FHIT: variants seen among roughly 807,000 people sequenced by gnomAD.
FHIT encodes bis(5'-adenosyl)-triphosphatase.
In FHIT, 19 loss-of-function variants were observed where a neutral mutation model predicts 17.9. That is an observed-to-expected ratio of 1.06 (90% CI 0.74 to 1.56). The LOEUF is 1.56. FHIT is among the 40% of genes most tolerant of loss of function. The pLI, the probability that FHIT is intolerant of heterozygous loss-of-function variation, is 0.00. For synonymous variants in FHIT, 81 were observed against 69.7 expected (o/e 1.16, Z -0.81); for missense variants, 248 against 189.2 (o/e 1.31, Z -1.82).
rs57146494 is a variant in FHIT at position 60,663,153 on chromosome 3, G to GTGATATATATATATATATATAT, written c.-17-126175_-17-126174insATATATATATATATATATATCA. On this transcript the variant is annotated intron_variant, in intron 4 of 9. Coordinates refer to ENST00000492590, the MANE Select transcript of FHIT (RefSeq NM_002012.4). Reference sequence around the variant, plus strand: ...CTATATAGCCCTAATATTGGGTGGAGATATATATCTCTTTAATGTTGGGTT... The same window carrying GTGATATATATATATATATATAT: ...CTATATAGCCCTAATATTGGGTGGAGTGATATATATATATATATATATATATATATCTCTTTAATGTTGGGTT... Among the ~76,000 whole-genome samples the GTGATATATATATATATATATAT allele has an allele frequency of 4.4e-3, 340 of 78,014 alleles. 78 individuals carry two copies. The highest frequency in any genetic ancestry group is 0.023 in the Middle Eastern group (3 of 132). The allele number at this position is 78,014 out of a possible 152,430, so 51.2% of individuals were successfully genotyped here. A position where few individuals can be genotyped will look rare whatever the true frequency, so the allele number is the denominator to read the frequency against.
intron 7 of FHIT, among the ~76,000 whole-genome samples, chr3:59,997,987 A>T (rs1399248282): frequency 6.6e-6 from 1 of 152,150 alleles, no homozygotes; most frequent in Non-Finnish European, 1.5e-5. Context: ...AACACAGGGT[A>T]TCAAGGGATA....
chr3:61,168,649 G>C (rs2037910649), intron 2 of FHIT, among the ~76,000 whole-genome samples: 1 of 152,160 alleles, frequency 6.6e-6, no homozygotes, highest in African/African-American at 2.4e-5. Context: ...GGCTCAACTT[G>C]GTTTCTGAAG....
intron 5 of FHIT, among the ~76,000 whole-genome samples, chr3:60,096,010 C>G (rs1159340429): frequency 6.6e-6 from 1 of 152,120 alleles, no homozygotes; most frequent in East Asian, 1.9e-4. Context: ...ACATATACAC[C>G]TTGAAGGAGT....
rs75221196 is a variant in FHIT at position 60,226,626 on chromosome 3, G to A, written c.104-212474C>T. Among the ~76,000 whole-genome samples the A allele has an allele frequency of 3.3e-3, 497 of 152,268 alleles. 3 individuals are homozygous for A. The highest frequency in any genetic ancestry group is 0.011 in the African/African-American group (474 of 41,552). ...AATGAAAAACTGGGAACGTGTCCAG[G>A]CTGAAAGGAAGCATGGAGGGAAAAC... On this transcript the variant is annotated intron_variant, in intron 5 of 9. Transcript: ENST00000492590.
chr3:60,732,407 G>C lies in FHIT; in HGVS notation c.-18+89512C>G, dbSNP rs911729662. ...CCTCATCAAATTTCTACCTGTAGATGGACTTGCCACCAGTGCCATATGGCA... is the reference window on the plus strand; with the variant it reads ...CCTCATCAAATTTCTACCTGTAGATCGACTTGCCACCAGTGCCATATGGCA... On this transcript the variant is annotated intron_variant, in intron 4 of 9. Transcript: ENST00000492590. 179 of 759,796 alleles carry C rather than the reference G, an allele frequency of 2.4e-4. 1 individual carries two copies. In the Admixed American group the frequency reaches 3.1e-3, roughly 13 times the overall value. The allele number at this position is 759,796 out of a possible 1,614,324, so 47.1% of individuals were successfully genotyped here.
chr3:60,228,449 T>C (rs998781203), intron 5 of FHIT, among the ~76,000 whole-genome samples: 1 of 152,152 alleles, frequency 6.6e-6, no homozygotes, highest in East Asian at 1.9e-4. Context: ...AATTGCATAC[T>C]GTTAAAAGGT....
chr3:60,302,480 C>G (rs1283728616), intron 5 of FHIT, among the ~76,000 whole-genome samples: 1 of 152,114 alleles, frequency 6.6e-6, no homozygotes, highest in African/African-American at 2.4e-5. Context: ...TTTTCTTCCT[C>G]CACATCTCAC....
intron 5 of FHIT, among the ~76,000 whole-genome samples, chr3:60,116,604 G>A (rs1464222032): frequency 6.6e-6 from 1 of 152,104 alleles, no homozygotes; most frequent in Non-Finnish European, 1.5e-5. Context: ...ATGAATTAAA[G>A]CTCAAGAATG....
At chr3:61,232,473 A>G (rs1157326783) in intron 1 of FHIT, among the ~76,000 whole-genome samples, 1 of 152,226 alleles carries the variant, frequency 6.6e-6, no homozygotes, top group African/African-American at 2.4e-5. Context: ...TATGTGAGTC[A>G]TAATTTCCCA....
At chr3:60,087,597 C>A (rs919754544) in intron 5 of FHIT, among the ~76,000 whole-genome samples, 1 of 152,166 alleles carries the variant, frequency 6.6e-6, no homozygotes, top group African/African-American at 2.4e-5. Flanking sequence ...CATTTTCATC[C>A]ACCAGATACC....
intron 5 of FHIT, among the ~76,000 whole-genome samples, chr3:60,299,920 T>C (rs138112570): frequency 1.6e-4 from 25 of 152,216 alleles, no homozygotes; most frequent in Non-Finnish European, 2.4e-4. Flanking sequence ...AAATTTTCTC[T>C]ATATTGCTAG....
intron 4 of FHIT, among the ~76,000 whole-genome samples, chr3:60,669,436 T>C (rs1166813410): frequency 6.6e-6 from 1 of 152,146 alleles, no homozygotes; most frequent in African/African-American, 2.4e-5. Context: ...CTGTGACAGA[T>C]TTCCCCACCA....
At chr3:60,461,228 A>G (rs957017222) in intron 5 of FHIT, among the ~76,000 whole-genome samples, 8 of 152,076 alleles carry the variant, frequency 5.3e-5, no homozygotes, top group Non-Finnish European at 1.2e-4. Context: ...AGCCTTATTG[A>G]TTTTCCTTTT....
At chr3:60,335,639 A>G (rs1371698822) in intron 5 of FHIT, among the ~76,000 whole-genome samples, 1 of 152,132 alleles carries the variant, frequency 6.6e-6, no homozygotes, top group East Asian at 1.9e-4. Context: ...GCTGTGTTAG[A>G]TATGTCCTGG....
Position 59,789,779 on chromosome 3 carries a change from C to T in FHIT, c.349-37458G>A, listed in dbSNP as rs11715167. ...AACTCATTAATACATCAGTGACATT[C>T]TAGCATCCTTTGAAATTCTGTTAAG... On this transcript the variant is annotated intron_variant, in intron 8 of 9. Coordinates refer to ENST00000492590, the MANE Select transcript of FHIT (RefSeq NM_002012.4). Among the ~76,000 whole-genome samples the T allele has an allele frequency of 4.6e-3, 702 of 152,294 alleles. 5 individuals carry two copies. The highest frequency in any genetic ancestry group is 0.01 in the Middle Eastern group (3 of 294).
intron 4 of FHIT, among the ~76,000 whole-genome samples, chr3:60,705,528 A>G (rs1553703308): frequency 6.6e-6 from 1 of 152,230 alleles, no homozygotes; most frequent in African/African-American, 2.4e-5. Flanking sequence ...AAGCAATTCT[A>G]TTGAATTCGG....
chr3:59,800,599 A>G (rs1000741141), intron 8 of FHIT, among the ~76,000 whole-genome samples: 14 of 152,220 alleles, frequency 9.2e-5, no homozygotes, highest in Admixed American at 7.9e-4. Flanking sequence ...CTAACAGCTA[A>G]TTTGCTTCCT....
intron 4 of FHIT, among the ~76,000 whole-genome samples, chr3:60,688,637 G>A (rs140940837): frequency 1.1e-4 from 16 of 151,814 alleles, no homozygotes; most frequent in African/African-American, 3.6e-4. Context: ...TCTCCATATT[G>A]GCCAGGCTGG....
chr3:60,984,633 A>G (rs1710641502), intron 3 of FHIT, among the ~76,000 whole-genome samples: 1 of 152,216 alleles, frequency 6.6e-6, no homozygotes, highest in Non-Finnish European at 1.5e-5. Context: ...CCTTTCCCTT[A>G]GAGTAGTAAG....
Sources: gnomAD v4.1 joint callset for allele counts (sites outside exome capture counted in the v4.1 genomes callset) on GRCh38, gnomAD v4.1.1 for gene constraint, MANE v1.5 for transcripts, NCBI Gene and HGNC (gene_info 2026-07-23, HGNC 2026-07-21) for gene names.